PTPRT: variants seen among roughly 807,000 people sequenced by gnomAD.
The protein encoded by PTPRT is receptor-type tyrosine-protein phosphatase T.
Under a neutral mutation model 176.8 loss-of-function variants are expected in PTPRT, and 56 were observed. The observed-to-expected ratio is 0.32, with a 90% CI of 0.26 to 0.40. PTPRT has a LOEUF of 0.40. PTPRT is among the 10% of genes least tolerant of loss of function. PTPRT has a pLI of 1.00. For synonymous variants in PTPRT, 783 were observed against 739.0 expected, an observed-to-expected ratio of 1.06 and a Z score of -0.96; for missense variants, 1,540 against 1,908.2, an observed-to-expected ratio of 0.81 and a Z score of 3.60.
At chr20:42,782,185 T>C (rs1201719130) in intron 3 of PTPRT, among the ~76,000 whole-genome samples, 1 of 152,208 alleles carries the variant, frequency 6.6e-6, no homozygotes, top group Non-Finnish European at 1.5e-5. Flanking sequence ...ATTTTTCTCA[T>C]AAATCTGGCA....
At chr20:42,698,429 C>T (rs1485721116) in intron 6 of PTPRT, among the ~76,000 whole-genome samples, 2 of 152,144 alleles carry the variant, frequency 1.3e-5, no homozygotes, top group African/African-American at 4.8e-5. Flanking sequence ...GCCTGGGTCC[C>T]TCCAAGTCCA....
At chr20:42,291,106 C>T (rs1017819315) in intron 12 of PTPRT, among the ~76,000 whole-genome samples, 2 of 152,238 alleles carry the variant, frequency 1.3e-5, no homozygotes, top group South Asian at 2.1e-4. Flanking sequence ...TTAGACCTGA[C>T]CTCAGCGTCT....
chr20:42,056,169 A>T, the PTPRT span, among the ~76,000 whole-genome samples: 1 of 152,190 alleles, frequency 6.6e-6, no homozygotes. Context: ...TTTAGAAGCC[A>T]ATAAGGGTGT....
At chr20:42,423,012 T>G (rs978179673) in intron 9 of PTPRT, among the ~76,000 whole-genome samples, 4 of 151,362 alleles carry the variant, frequency 2.6e-5, no homozygotes, top group African/African-American at 2.4e-5. Context: ...CAGGGACACA[T>G]AGAGGGACAC....
intron 12 of PTPRT, among the ~76,000 whole-genome samples, chr20:42,285,006 A>G (rs574691453): frequency 5.3e-5 from 8 of 152,040 alleles, no homozygotes; most frequent in African/African-American, 1.9e-4. Flanking sequence ...GTAACAGTAA[A>G]GGACATTGCT....
chr20:42,816,532 T>C (rs980599506), intron 2 of PTPRT, among the ~76,000 whole-genome samples: 1 of 152,192 alleles, frequency 6.6e-6, no homozygotes, highest in Non-Finnish European at 1.5e-5. Context: ...AATCCCCACA[T>C]GTCGAGGAAG....
At chr20:42,175,180 T>C (rs1051021969) in intron 16 of PTPRT, among the ~76,000 whole-genome samples, 10 of 152,186 alleles carry the variant, frequency 6.6e-5, no homozygotes, top group African/African-American at 2.2e-4. Context: ...AAACTTTTTA[T>C]TGGATGCCCA....
chr20:42,634,002 TATATATATAA>T lies in PTPRT; in HGVS notation c.1153+43854_1153+43863del, dbSNP rs2074506802. On this transcript the variant is annotated intron_variant, in intron 7 of 30. Transcript: ENST00000373187. ...ATTATATATTATATTATATATATTATATATATATAATATATATATAATATATATATTATAT... is the reference window on the plus strand; with the variant it reads ...ATTATATATTATATTATATATATTATTATATATATAATATATATATTATAT... 6.0e-3 allele frequency among the ~76,000 whole-genome samples: 141 copies of T among 23,626 alleles called. 4 individuals are homozygous for T. The highest frequency in any genetic ancestry group is 8.0e-3 in the Non-Finnish European group (119 of 14,876). The allele number at this position is 23,626 out of a possible 152,430, so 15.5% of individuals were successfully genotyped here.
chr20:42,853,598 G>T (rs1437467778), intron 2 of PTPRT, among the ~76,000 whole-genome samples: 2 of 152,154 alleles, frequency 1.3e-5, no homozygotes, highest in Non-Finnish European at 2.9e-5. Flanking sequence ...CTGCCCTTTT[G>T]TTCTATTCTG....
Position 42,697,389 on chromosome 20 carries a change from C to T in PTPRT, c.860-19230G>A, listed in dbSNP as rs569540589. 6.6e-4 allele frequency among the ~76,000 whole-genome samples: 101 copies of T among 152,328 alleles called. 1 individual carries two copies. Among genetic ancestry groups the T allele is most frequent in the African/African-American group, 2.1e-3 (88 of 41,564 alleles). ...TATTTTACAGTGGTAAATAAACATG[C>T]GCAACTTCTGGCCATTTTATACATT... is the stretch of plus-strand genomic sequence containing the variant. On this transcript the variant is annotated intron_variant, in intron 6 of 30. Transcript: ENST00000373187.
At position 42,363,340 on chromosome 20, in the gene PTPRT, C is replaced by T. The variant is rs866999784; in HGVS notation, c.1561-11055G>A. Among the ~76,000 whole-genome samples the T allele has an allele frequency of 8.3e-3, 696 of 83,830 alleles. 6 individuals carry two copies. The highest frequency in any genetic ancestry group is 0.032 in the African/African-American group (657 of 20,676). 55.0% of individuals were successfully genotyped at this position (83,830 alleles called of 152,430 possible). A position where few individuals can be genotyped will look rare whatever the true frequency, so the allele number is the denominator to read the frequency against. ...TTTTTTTTTTTTGAGATGGAGTTTT[C>T]GCTGTTGTCGCTCAGGCTGGAGTGC... On this transcript the variant is annotated intron_variant, in intron 9 of 30. Coordinates refer to ENST00000373187, the MANE Select transcript of PTPRT (RefSeq NM_007050.6).
chr20:42,122,044 G>T (rs990527715), intron 19 of PTPRT, among the ~76,000 whole-genome samples: 2 of 152,010 alleles, frequency 1.3e-5, no homozygotes, highest in African/African-American at 4.8e-5. Context: ...GTGGTGAGAG[G>T]GATGAGAAAT....
chr20:42,309,245 TCC>T (rs1164763081), intron 12 of PTPRT, among the ~76,000 whole-genome samples: 4 of 152,186 alleles, frequency 2.6e-5, no homozygotes, highest in African/African-American at 9.7e-5. Context: ...TTAATTATGG[TCC>T]TTTCAACTTC....
At chr20:42,577,697 C>T (rs547025695) in intron 7 of PTPRT, among the ~76,000 whole-genome samples, 67 of 152,154 alleles carry the variant, frequency 4.4e-4, no homozygotes, top group African/African-American at 1.6e-3. Context: ...CCCAGACTAC[C>T]GGCCAGGGAG....
At chr20:42,714,908 A>G (rs1860035532) in intron 6 of PTPRT, among the ~76,000 whole-genome samples, 1 of 152,220 alleles carries the variant, frequency 6.6e-6, no homozygotes, top group African/African-American at 2.4e-5. Flanking sequence ...GCAAGGTAAA[A>G]CTCTGTAAGG....
At chr20:43,111,997 G>C (rs2012885560) in intron 1 of PTPRT, among the ~76,000 whole-genome samples, 1 of 152,162 alleles carries the variant, frequency 6.6e-6, no homozygotes, top group South Asian at 2.1e-4. Context: ...CCAGAAGAAG[G>C]CACTCTTCTC....
At chr20:42,108,639 G>A (rs1364178569) in intron 23 of PTPRT, among the ~76,000 whole-genome samples, 1 of 113,640 alleles carries the variant, frequency 8.8e-6, no homozygotes, top group Non-Finnish European at 1.8e-5. Flanking sequence ...CTGGTATTAG[G>A]AGTGGGAATA....
At chr20:42,270,352 G>A in intron 13 of PTPRT, 2 of 1,506,800 alleles carry the variant, frequency 1.3e-6, no homozygotes, top group South Asian at 1.2e-5. Flanking sequence ...CCCACTGAGT[G>A]TGGGCAACTC....
chr20:42,119,449 T>G (rs757180050), intron 20 of PTPRT, among the ~76,000 whole-genome samples: 5 of 152,230 alleles, frequency 3.3e-5, no homozygotes, highest in Non-Finnish European at 5.9e-5. Context: ...TCTGCAGGAT[T>G]TTTTTCCAGA....
Sources: allele counts gnomAD v4.1 joint callset (sites outside exome capture counted in the v4.1 genomes callset), GRCh38; gene constraint gnomAD v4.1.1; transcripts MANE v1.5; gene names NCBI Gene and HGNC (gene_info 2026-07-23, HGNC 2026-07-21).